RORA: variants seen among roughly 807,000 people sequenced by gnomAD.
RORA encodes the protein nuclear receptor ROR-alpha.
Under a neutral mutation model 69.5 loss-of-function variants are expected in RORA, and 7 were observed. That is an observed-to-expected ratio of 0.10 (90% CI 0.06 to 0.19). The LOEUF (loss-of-function observed/expected upper bound fraction) is 0.19, where lower values mean the gene tolerates loss of function less well. Among genes scored for constraint, RORA ranks in the 10% least tolerant of loss-of-function variants. The probability of loss-of-function intolerance (pLI) is 1.00; values close to 1 mark genes in which losing one functional copy is unlikely to be tolerated. For synonymous variants in RORA, 261 were observed against 240.8 expected (o/e 1.08, Z -0.78); for missense variants, 457 against 663.0 (o/e 0.69, Z 3.41).
intron 1 of RORA, among the ~76,000 whole-genome samples, chr15:60,829,784 A>T (rs962282973): frequency 1.3e-5 from 2 of 152,250 alleles, no homozygotes; most frequent in African/African-American, 4.8e-5. Context: ...GCTTCCGTTC[A>T]TTGGTAAATT....
At chr15:60,991,650 C>A (rs1229487890) in intron 1 of RORA, among the ~76,000 whole-genome samples, 1 of 152,118 alleles carries the variant, frequency 6.6e-6, no homozygotes, top group Non-Finnish European at 1.5e-5. Context: ...GTAATCCCAG[C>A]ACTTTCGGAG....
At chr15:61,093,451 C>G (rs1595978166) in intron 1 of RORA, among the ~76,000 whole-genome samples, 1 of 152,190 alleles carries the variant, frequency 6.6e-6, no homozygotes, top group Non-Finnish European at 1.5e-5. Flanking sequence ...TATCCCAGAT[C>G]CTATGCCTGG....
intron 1 of RORA, among the ~76,000 whole-genome samples, chr15:60,687,779 C>T (rs2070769577): frequency 6.6e-6 from 1 of 152,118 alleles, no homozygotes; most frequent in Non-Finnish European, 1.5e-5. Context: ...AAAATACTTA[C>T]CTTGCATTCA....
chr15:61,078,009 C>T (rs546448572), intron 1 of RORA, among the ~76,000 whole-genome samples: 11 of 152,228 alleles, frequency 7.2e-5, no homozygotes, highest in South Asian at 2.1e-4. Context: ...AAACAAACCT[C>T]GGTGAAGAGA....
Position 60,521,247 on chromosome 15 carries a change from A to ATTT in RORA, c.283-6493_283-6491dup, listed in dbSNP as rs34311504. ...TAAGTCAAAAAAGAAAAAAATTGTC[A>ATTT]TTTTTTTTTTTTTGAGACGGAGTCT... On this transcript the variant is annotated intron_variant, in intron 3 of 10. Transcript: ENST00000335670. 4.7e-3 allele frequency among the ~76,000 whole-genome samples: 680 copies of ATTT among 145,102 alleles called. 10 individuals carry two copies. The highest frequency in any genetic ancestry group is 0.015 in the African/African-American group (574 of 39,386).
chr15:60,831,265 G>A (rs933254968), intron 1 of RORA, among the ~76,000 whole-genome samples: 3 of 152,288 alleles, frequency 2.0e-5, no homozygotes, highest in Middle Eastern at 3.4e-3. Context: ...CTAATGAGGG[G>A]AGGTTACATG....
chr15:60,906,857 G>C (rs1891557821), intron 1 of RORA, among the ~76,000 whole-genome samples: 1 of 152,136 alleles, frequency 6.6e-6, no homozygotes, highest in African/African-American at 2.4e-5. Flanking sequence ...AGTAATACCA[G>C]GGGCTATATA....
intron 2 of RORA, among the ~76,000 whole-genome samples, chr15:60,649,852 A>G (rs1254578305): frequency 2.0e-5 from 3 of 152,184 alleles, no homozygotes; most frequent in South Asian, 2.1e-4. Flanking sequence ...TGGCCTTTGT[A>G]TCTCTGGCAA....
At chr15:61,053,421 C>T (rs545056612) in intron 1 of RORA, among the ~76,000 whole-genome samples, 41 of 152,224 alleles carry the variant, frequency 2.7e-4, no homozygotes, top group African/African-American at 9.9e-4. Flanking sequence ...AGGCCTCACA[C>T]AGGTAACCCC....
chr15:60,926,253 G>A (rs559140306), intron 1 of RORA, among the ~76,000 whole-genome samples: 1 of 152,332 alleles, frequency 6.6e-6, no homozygotes, highest in South Asian at 2.1e-4. Flanking sequence ...ATTTGGAACA[G>A]AACCTGGAGC....
intron 1 of RORA, among the ~76,000 whole-genome samples, chr15:61,066,080 T>C (rs552927953): frequency 1.6e-4 from 24 of 152,214 alleles, no homozygotes; most frequent in Non-Finnish European, 3.1e-4. Context: ...ATGCGTCTAG[T>C]GGTTTTTATG....
intron 1 of RORA, among the ~76,000 whole-genome samples, chr15:61,187,159 G>A (rs1045421172): frequency 2.6e-5 from 4 of 152,246 alleles, no homozygotes; most frequent in African/African-American, 9.6e-5. Flanking sequence ...ATTCCACATC[G>A]AGCCAGCAGT....
chr15:60,893,447 C>T (rs1299208104), intron 1 of RORA, among the ~76,000 whole-genome samples: 2 of 152,186 alleles, frequency 1.3e-5, no homozygotes, highest in East Asian at 3.8e-4. Context: ...AACCCCCACT[C>T]CGCGCCCCTG....
chr15:60,749,041 A>G (rs996463497), intron 1 of RORA, among the ~76,000 whole-genome samples: 3 of 152,194 alleles, frequency 2.0e-5, no homozygotes, highest in African/African-American at 7.2e-5. Context: ...GCACATTCCT[A>G]GAGTCCATCC....
rs573939486 is a variant in RORA, at chr15:60,493,267, C to T, written c.*4188G>A. 6 of 151,870 alleles carry T rather than the reference C, an allele frequency of 4.0e-5. No homozygotes were observed. Among genetic ancestry groups the T allele is most frequent in the East Asian group, 3.9e-4 (2 of 5,172 alleles). 9.4% of individuals were successfully genotyped at this position (151,870 alleles called of 1,614,324 possible). A position where few individuals can be genotyped will look rare whatever the true frequency, so the allele number is the denominator to read the frequency against. ...CCTCAACAATAACAAGTGATTCGATCGACATTCCTTAGCCAAAAACAAAAG... is the reference window on the plus strand; with the variant it reads ...CCTCAACAATAACAAGTGATTCGATTGACATTCCTTAGCCAAAAACAAAAG... On this transcript the variant is annotated 3_prime_UTR_variant, in exon 11 of 11. Transcript: ENST00000335670.
At chr15:60,997,879 A>G (rs1894609478) in intron 1 of RORA, among the ~76,000 whole-genome samples, 1 of 152,248 alleles carries the variant, frequency 6.6e-6, no homozygotes. Context: ...TAAAAGAGCC[A>G]TAACCTCAAG....
At chr15:61,184,225 C>T (rs2079716999) in intron 1 of RORA, among the ~76,000 whole-genome samples, 1 of 152,198 alleles carries the variant, frequency 6.6e-6, no homozygotes, top group Admixed American at 6.5e-5. Flanking sequence ...TATCCCTTCA[C>T]AACACACTCC....
At chr15:60,967,978 T>C (rs1893602590) in intron 1 of RORA, among the ~76,000 whole-genome samples, 1 of 152,122 alleles carries the variant, frequency 6.6e-6, no homozygotes, top group South Asian at 2.1e-4. Context: ...AGTGCATGCC[T>C]CTTAAGGGCA....
At chr15:61,161,252 A>AT (rs1232266514) in intron 1 of RORA, among the ~76,000 whole-genome samples, 7 of 152,136 alleles carry the variant, frequency 4.6e-5, no homozygotes, top group Non-Finnish European at 1.5e-5. Flanking sequence ...ATCTTTCTGA[A>AT]TTTTTTTGAG....
Sources: allele counts gnomAD v4.1 joint callset (sites outside exome capture counted in the v4.1 genomes callset), GRCh38; gene constraint gnomAD v4.1.1; transcripts MANE v1.5; gene names NCBI Gene and HGNC (gene_info 2026-07-23, HGNC 2026-07-21).